Variants in LPIN1 observed in about 807,000 individuals in gnomAD.
LPIN1 encodes the protein phosphatidate phosphatase LPIN1.
LPIN1 carries 71 observed loss-of-function variants against 107.5 expected under a neutral mutation model. The observed-to-expected ratio is 0.66, with a 90% CI of 0.55 to 0.80. LPIN1 has a LOEUF of 0.80. Among genes scored for constraint, LPIN1 ranks in the 30% least tolerant of loss-of-function variants. The pLI is 0.00. For synonymous variants in LPIN1, 445 were observed against 452.6 expected (o/e 0.98, Z 0.21); for missense variants, 1,043 against 1,160.6 (o/e 0.90, Z 1.47).
intron 4 of LPIN1, among the ~76,000 whole-genome samples, chr2:11,772,399 T>C (rs1012423846): frequency 2.6e-5 from 4 of 152,232 alleles, no homozygotes; most frequent in African/African-American, 9.6e-5. Context: ...CCTCCTTGGC[T>C]GATCGCTTTA....
chr2:11,685,415 C>T lies in LPIN1; in HGVS notation c.81+7687C>T, dbSNP rs78890429. The stretch of plus-strand genomic sequence containing the variant: ...TTCGGGGCAGGGCAGACATGATGGA[C>T]CTGTTGGGAGGCTGTTGCAATAATC... On this transcript the variant is annotated intron_variant, in intron 1 of 21. Transcript: ENST00000449576. Among the ~76,000 whole-genome samples, 444 of 152,164 alleles carry T rather than the reference C, an allele frequency of 2.9e-3. 8 individuals are homozygous for T. In the East Asian group the frequency reaches 0.046, roughly 16 times the overall value.
chr2:11,689,773 C>T (rs956925848), intron 1 of LPIN1, among the ~76,000 whole-genome samples: 7 of 152,002 alleles, frequency 4.6e-5, no homozygotes, highest in Admixed American at 2.0e-4. Flanking sequence ...AGTGTTGTGG[C>T]GGGTGCCTGT....
chr2:11,716,455 C>T (rs193001083), intron 2 of LPIN1, among the ~76,000 whole-genome samples: 1 of 152,196 alleles, frequency 6.6e-6, no homozygotes, highest in East Asian at 1.9e-4. Context: ...CTCTCTCTGT[C>T]CCTCTCCCTG....
chr2:11,764,840 T>C (rs896396708), intron 1 of LPIN1, among the ~76,000 whole-genome samples: 1 of 152,226 alleles, frequency 6.6e-6, no homozygotes, highest in African/African-American at 2.4e-5. Flanking sequence ...CTGTCCATCA[T>C]GACAGAAGAA....
intron 11 of LPIN1, among the ~76,000 whole-genome samples, 179 bp downstream of exon 11, chr2:11,787,346 T>C (rs571021986): frequency 2.0e-5 from 3 of 151,972 alleles, no homozygotes; most frequent in African/African-American, 7.2e-5. Context: ...GCAATATAGC[T>C]GATAGGTTCA....
rs1363762523 is a variant in LPIN1, at chr2:11,697,719, C to CTGTTGGCCT, written c.82-16034_82-16026dup. 6.6e-6 allele frequency among the ~76,000 whole-genome samples: 1 copy of CTGTTGGCCT among 152,198 alleles called. No homozygotes were observed. Among genetic ancestry groups the CTGTTGGCCT allele is most frequent in the Non-Finnish European group, 1.5e-5 (1 of 68,038 alleles). ...AAAACCTGAATCACACTGAGTCATCCTGTTGGCCTTGCTGGTGTGTGAGTG... is the reference window on the plus strand; with the variant it reads ...AAAACCTGAATCACACTGAGTCATCCTGTTGGCCTTGTTGGCCTTGCTGGTGTGTGAGTG... On this transcript the variant is annotated intron_variant, in intron 1 of 21. Transcript: ENST00000449576. This position sits in a 1 kb window ranked among gnomAD's most constrained non-coding sequence, Gnocchi z 4.6.
intron 14 of LPIN1, among the ~76,000 whole-genome samples, chr2:11,798,100 T>C (rs1049419391): frequency 2.0e-5 from 3 of 152,218 alleles, no homozygotes; most frequent in Non-Finnish European, 4.4e-5. Flanking sequence ...CCTGCTGCCC[T>C]GTGAAGAAGG....
intron 1 of LPIN1, among the ~76,000 whole-genome samples, chr2:11,738,796 G>C (rs1666047415): frequency 6.6e-6 from 1 of 152,172 alleles, no homozygotes; most frequent in Non-Finnish European, 1.5e-5. Context: ...AGGAGCCACA[G>C]AGAATGGTTC....
rs1671905481 is a variant in LPIN1, at chr2:11,771,914, C to T, written c.596+235C>T. The stretch of plus-strand genomic sequence containing the variant: ...TTACATTTATTGTGCTCTTTATTTC[C>T]ATTACTATTACATTGTAATATATAA... On this transcript the variant is annotated intron_variant, in intron 4 of 20. Transcript: ENST00000674199. The surrounding 1 kb of genome is among the most constrained non-coding windows in gnomAD (Gnocchi z 4.8). Among the ~76,000 whole-genome samples the T allele has an allele frequency of 6.6e-6, 1 of 152,080 alleles. No homozygotes were observed. The highest frequency in any genetic ancestry group is 1.5e-5 in the Non-Finnish European group (1 of 68,024).
chr2:11,771,146 G>C lies in LPIN1; in HGVS notation c.289-226G>C, dbSNP rs1671773935. 6.6e-6 allele frequency among the ~76,000 whole-genome samples: 1 copy of C among 152,162 alleles called. No homozygotes were observed. Among genetic ancestry groups the C allele is most frequent in the African/African-American group, 2.4e-5 (1 of 41,438 alleles). ...GTTAAAATTACATAAATGCAGGATT[G>C]AGTACAAAGTGGCATTCAATACATT... On this transcript the variant is annotated intron_variant, in intron 3 of 20. Transcript: ENST00000674199. The surrounding 1 kb of genome is among the most constrained non-coding windows in gnomAD (Gnocchi z 4.8).
At chr2:11,763,036 G>A (rs931983415) in intron 1 of LPIN1, 7 of 152,252 alleles carry the variant, frequency 4.6e-5, no homozygotes, top group African/African-American at 1.7e-4. Flanking sequence ...TTGCAACCAC[G>A]TGGCTTCACG....
chr2:11,811,492 G>C (rs1679640239), intron 17 of LPIN1, among the ~76,000 whole-genome samples: 1 of 152,230 alleles, frequency 6.6e-6, no homozygotes, highest in Non-Finnish European at 1.5e-5. Flanking sequence ...CAGGCAAGAA[G>C]GCTGGCATGC....
At chr2:11,727,974 T>A (rs998068370) in intron 1 of LPIN1, among the ~76,000 whole-genome samples, 12 of 152,200 alleles carry the variant, frequency 7.9e-5, no homozygotes, top group African/African-American at 2.7e-4. Context: ...GCTGTACAGT[T>A]TTTTTGTCTT....
chr2:11,677,798 G>A (rs759193680), intron 1 of LPIN1: 299 of 1,301,356 alleles, frequency 2.3e-4, no homozygotes, highest in Middle Eastern at 3.6e-4. Context: ...CCAGGTGCCC[G>A]CGTACTGATG....
chr2:11,780,590 A>G (rs1234197556), intron 7 of LPIN1, among the ~76,000 whole-genome samples: 2 of 152,316 alleles, frequency 1.3e-5, no homozygotes, highest in East Asian at 3.9e-4. Flanking sequence ...GAGATCTCCA[A>G]AATAAATAGA....
chr2:11,765,303 T>G lies in LPIN1; in HGVS notation c.-9-230T>G, dbSNP rs1393907003. Among the ~76,000 whole-genome samples the G allele has an allele frequency of 6.6e-6, 1 of 151,774 alleles. No homozygotes were observed. Among genetic ancestry groups the G allele is most frequent in the Non-Finnish European group, 1.5e-5 (1 of 67,930 alleles). On this transcript the variant is annotated intron_variant, in intron 1 of 20. Transcript: ENST00000674199. The surrounding 1 kb of genome is among the most constrained non-coding windows in gnomAD (Gnocchi z 4.4). ...GACCCTGATGGGCTGTGATGGGCCG[T>G]GATGGACCCTGATGGGCCATGATGG...
At position 11,773,616 on chromosome 2, in the gene LPIN1, C is replaced by T. The variant is rs777255851; in HGVS notation, c.597-4C>T. 27 of 1,602,972 alleles carry T rather than the reference C, an allele frequency of 1.7e-5. No homozygotes were observed. The highest frequency in any genetic ancestry group is 1.7e-4 in the Middle Eastern group (1 of 5,924). On this transcript the variant is annotated splice_polypyrimidine_tract_variant and splice_region_variant and intron_variant, in intron 4 of 20. Transcript: ENST00000674199. The stretch of plus-strand genomic sequence containing the variant: ...TGACTTTAATCTTTTTTTTTTTCCT[C>T]CAGAACTCTTCCTAATGATATACCT...
Position 11,802,923 on chromosome 2 carries a change from T to C in LPIN1, c.1903T>C (p.Ser635Pro). 6.2e-7 allele frequency: 1 copy of C among 1,613,400 alleles called. No individual in the cohort carries two copies. The highest frequency in any genetic ancestry group is 8.5e-7 in the Non-Finnish European group (1 of 1,180,028). ...GTGTTCCAGGGTAAAGCATGAATCA[T>C]CCTCCAGTGATGAGGAGCGCGCAGC... ...SLATRVKHESSSSDEERAAAK... is the reference protein window; with the variant it reads ...SLATRVKHESPSSDEERAAAK... Residue 635 changes from serine (S) to proline (P), a missense_variant, in exon 15 of 21, where the codon TCC (serine) becomes CCC (proline). Ser to Pro is a moderately conservative substitution (Grantham distance 74). Coordinates refer to ENST00000674199, the MANE Select transcript of LPIN1 (RefSeq NM_001349206.2).
In LPIN1 at chr2:11,787,055, T is replaced by A; in HGVS notation, c.1550-19T>A. On this transcript the variant is annotated intron_variant, in intron 10 of 20. Transcript: ENST00000674199. ...TTTTCTTTTTGTTTTTCCCTGATCCTCTGCAATTGCTGTCACAGATGCATT... is the reference window on the plus strand; with the variant it reads ...TTTTCTTTTTGTTTTTCCCTGATCCACTGCAATTGCTGTCACAGATGCATT... 1 of 1,559,660 alleles carries A rather than the reference T, an allele frequency of 6.4e-7. No individual in the cohort carries two copies.
Sources: allele counts gnomAD v4.1 joint callset (sites outside exome capture counted in the v4.1 genomes callset), GRCh38; gene constraint gnomAD v4.1.1; non-coding constraint Gnocchi (gnomAD v3.1); transcripts MANE v1.5; gene names NCBI Gene and HGNC (gene_info 2026-07-23, HGNC 2026-07-21).